The following ABCC11 variants were observed in gnomAD, a reference collection of about 807,000 sequenced individuals.
The protein encoded by ABCC11 is ATP-binding cassette sub-family C member 11.
A neutral mutation model predicts 149.3 loss-of-function variants in ABCC11; 135 were observed. The ratio of observed to expected loss-of-function variants is 0.90; its 90% CI spans 0.79 to 1.04. The LOEUF is 1.04. ABCC11 is among the 50% of genes least tolerant of loss of function. ABCC11 has a pLI of 0.00. For synonymous variants in ABCC11, 665 were observed against 671.4 expected (o/e 0.99, Z 0.15); for missense variants, 1,680 against 1,722.1 (o/e 0.98, Z 0.43).
chr16:48,178,759 ACCACTGATTGCCATTG>A, intron 23 of ABCC11, 73 bp from the exon 24 acceptor site: 2 of 1,317,124 alleles, frequency 1.5e-6, no homozygotes, highest in East Asian at 4.6e-5. Context: ...GCTCCTGATA[ACCACTGATTGCCATTG>A]CCCCTGAGTG....
chr16:48,196,574 T>A (rs147363856), intron 17 of ABCC11, among the ~76,000 whole-genome samples: 7 of 152,298 alleles, frequency 4.6e-5, no homozygotes, highest in African/African-American at 1.7e-4. Context: ...TGTGATGGGC[T>A]GAGAGAAACG....
intron 1 of ABCC11, among the ~76,000 whole-genome samples, chr16:48,241,208 T>C (rs902833564): frequency 6.6e-6 from 1 of 152,190 alleles, no homozygotes; most frequent in Non-Finnish European, 1.5e-5. Context: ...AGTGCCGGGA[T>C]TGCAGGTGTG....
rs149406807 is a variant in ABCC11 at position 48,167,600 on chromosome 16, G to T, written c.3952C>A (p.Arg1318Ser). The T allele has an allele frequency of 1.9e-6, 3 of 1,612,436 alleles. No homozygotes were observed. Among genetic ancestry groups the T allele is most frequent in the Non-Finnish European group, 2.5e-6 (3 of 1,180,012 alleles). The change falls in exon 29 of 30, where the codon CGC (arginine) becomes AGC (serine). Residue 1318 changes from arginine to serine, a missense_variant. By Grantham distance (110) the Arg-to-Ser change is moderately radical. Transcript: ENST00000356608. ...IDMETDTLIQ[R>S]TIREAFQGCT... ...CCCTGGAAGGCTTCACGGATTGTGC[G>T]CTGGATCAGGGTGTCTGTCTCCATG...
chr16:48,242,501 A>G (rs1320106889), intron 1 of ABCC11, among the ~76,000 whole-genome samples: 9 of 152,166 alleles, frequency 5.9e-5, no homozygotes, highest in African/African-American at 2.2e-4. Flanking sequence ...TTCCTCAAGG[A>G]TCTGGAACTA....
chr16:48,189,401 T>G (rs1356029503), intron 20 of ABCC11, among the ~76,000 whole-genome samples: 1 of 152,182 alleles, frequency 6.6e-6, no homozygotes, highest in African/African-American at 2.4e-5. Flanking sequence ...CAAAATGATC[T>G]GGGGTTGTTC....
chr16:48,195,108 C>G (rs1216831339), intron 18 of ABCC11, among the ~76,000 whole-genome samples: 1 of 152,202 alleles, frequency 6.6e-6, no homozygotes, highest in African/African-American at 2.4e-5. Context: ...CAAATTCTAT[C>G]CTTCCTTCAA....
chr16:48,226,447 T>C (rs1248105717), intron 4 of ABCC11, among the ~76,000 whole-genome samples: 1 of 152,000 alleles, frequency 6.6e-6, no homozygotes, highest in East Asian at 1.9e-4. Context: ...TGGCTAATTT[T>C]TTTGTGTTTT....
At chr16:48,197,413 C>T (rs1399752845) in intron 17 of ABCC11, among the ~76,000 whole-genome samples, 4 of 152,176 alleles carry the variant, frequency 2.6e-5, no homozygotes, top group Non-Finnish European at 1.5e-5. Context: ...CTAATCTCCA[C>T]TTTTGCCGAG....
chr16:48,186,260 C>T (rs1318604185), intron 22 of ABCC11, among the ~76,000 whole-genome samples: 1 of 152,228 alleles, frequency 6.6e-6, no homozygotes, highest in Non-Finnish European at 1.5e-5. Flanking sequence ...ATGCCACCTC[C>T]TCCCGAAAGC....
intron 26 of ABCC11, 68 bp downstream of exon 26, chr16:48,175,190 C>T: frequency 6.4e-7 from 1 of 1,552,306 alleles, no homozygotes; most frequent in Non-Finnish European, 8.8e-7. Flanking sequence ...TCACTATAGG[C>T]AGCCCGGTGC....
chr16:48,234,300 T>C (rs1292889216), intron 1 of ABCC11, among the ~76,000 whole-genome samples: 1 of 152,180 alleles, frequency 6.6e-6, no homozygotes, highest in Non-Finnish European at 1.5e-5. Context: ...GGTAGCAAAA[T>C]AAGTAGGAAA....
At chr16:48,206,310 C>A (rs571464643) in intron 12 of ABCC11, among the ~76,000 whole-genome samples, 1 of 152,272 alleles carries the variant, frequency 6.6e-6, no homozygotes, top group South Asian at 2.1e-4. Flanking sequence ...AGTGTTATAA[C>A]CTCTGTAATT....
At chr16:48,239,925 G>A (rs891680663) in intron 1 of ABCC11, among the ~76,000 whole-genome samples, 1 of 152,190 alleles carries the variant, frequency 6.6e-6, no homozygotes, top group East Asian at 1.9e-4. Flanking sequence ...ATGAAAAAAA[G>A]CTCAACATCA....
At chr16:48,204,564 C>A (rs1346168120) in intron 13 of ABCC11, among the ~76,000 whole-genome samples, 5 of 152,096 alleles carry the variant, frequency 3.3e-5, no homozygotes, top group African/African-American at 1.2e-4. Flanking sequence ...AACTGAGTTG[C>A]ACAATTTGGG....
At chr16:48,213,065 T>C (rs754631349) in intron 10 of ABCC11, among the ~76,000 whole-genome samples, 25 of 152,194 alleles carry the variant, frequency 1.6e-4, no homozygotes, top group Non-Finnish European at 2.8e-4. Context: ...CTTCTAATCA[T>C]TCAAGAGAAT....
rs575976201 is a variant in ABCC11 at position 48,213,589 on chromosome 16, C to T, written c.1249-39G>A. 7.3e-6 allele frequency: 11 copies of T among 1,509,044 alleles called. No individual in the cohort carries two copies. The African/African-American group carries it at 1.4e-4, about 19-fold the overall frequency. The allele number at this position is 1,509,044 out of a possible 1,614,324, so 93.5% of individuals were successfully genotyped here. A position where few individuals can be genotyped will look rare whatever the true frequency, so the allele number is the denominator to read the frequency against. On this transcript the variant is annotated intron_variant, in intron 9 of 29. Coordinates refer to ENST00000356608, the MANE Select transcript of ABCC11 (RefSeq NM_001370497.1). ...GGAGGAGGTGGTGAGGGTCGTGGCC[C>T]TTCCTGCTTCCTCCATTCCCTGTCA...
In ABCC11 at chr16:48,222,768, C is replaced by T; in HGVS notation, c.607G>A (p.Val203Met). The T allele has an allele frequency of 6.2e-7, 1 of 1,614,242 alleles. No homozygotes were observed. The highest frequency in any genetic ancestry group is 8.5e-7 in the Non-Finnish European group (1 of 1,180,028). ...EEQLGNVVHG[V>M]GLCFALFLSE... ...AGAAAAAGGGCAAAGCAGAGTCCCA[C>T]TCCATGGACAACATTCCCCAACTGC... Residue 203 changes from valine to methionine, a missense_variant, in exon 6 of 30, where the codon GTG (valine) becomes ATG (methionine). Coordinates refer to ENST00000356608, the MANE Select transcript of ABCC11 (RefSeq NM_001370497.1).
chr16:48,186,145 C>T (rs993093012), intron 22 of ABCC11, among the ~76,000 whole-genome samples: 1 of 152,196 alleles, frequency 6.6e-6, no homozygotes, highest in Non-Finnish European at 1.5e-5. Flanking sequence ...TATAATGCCA[C>T]TGAGAGAGCA....
At chr16:48,236,345 A>G (rs1220462665) in intron 1 of ABCC11, among the ~76,000 whole-genome samples, 1 of 152,192 alleles carries the variant, frequency 6.6e-6, no homozygotes, top group Non-Finnish European at 1.5e-5. Context: ...CTCTACTCAA[A>G]TGCCACCTCC....
Sources: gnomAD v4.1 joint callset for allele counts (sites outside exome capture counted in the v4.1 genomes callset) on GRCh38, gnomAD v4.1.1 for gene constraint, MANE v1.5 for transcripts, NCBI Gene and HGNC (gene_info 2026-07-23, HGNC 2026-07-21) for gene names.